Variants in LAMA2 observed in about 807,000 individuals in gnomAD.
LAMA2 encodes laminin subunit alpha 2.
A neutral mutation model predicts 364.8 loss-of-function variants in LAMA2; 269 were observed. The ratio of observed to expected loss-of-function variants is 0.74; its 90% CI spans 0.67 to 0.82. The LOEUF is 0.82. LAMA2 is among the 40% of genes least tolerant of loss of function. The pLI is 0.00. For missense variants in LAMA2, 3,807 were observed against 3,873.2 expected, an observed-to-expected ratio of 0.98 and a Z score of 0.45; for synonymous variants, 1,379 against 1,370.6, an observed-to-expected ratio of 1.01 and a Z score of -0.14.
rs184104990 is a variant in LAMA2 at position 129,434,101 on chromosome 6, A to G, written c.5969-4545A>G. Among the ~76,000 whole-genome samples, 38 of 152,308 alleles carry G rather than the reference A, an allele frequency of 2.5e-4. 1 individual carries two copies. The highest frequency in any genetic ancestry group is 2.0e-3 in the Admixed American group (30 of 15,286). ...TTGAGATCGTACATAGTTAGTTCTAATATAACTAAGCCCTAATTTATATTT... is the reference window on the plus strand; with the variant it reads ...TTGAGATCGTACATAGTTAGTTCTAGTATAACTAAGCCCTAATTTATATTT... On this transcript the variant is annotated intron_variant, in intron 41 of 64. Transcript: ENST00000421865.
rs1782077619 is a variant in LAMA2, at chr6:129,440,921, G to C, written c.6191G>C (p.Gly2064Ala). The C allele has an allele frequency of 1.2e-6, 2 of 1,613,928 alleles. No individual in the cohort carries two copies. Among genetic ancestry groups the C allele is most frequent in the African/African-American group, 2.7e-5 (2 of 75,040 alleles). Reference sequence around the variant, plus strand: ...ACAGAGCTCCACCAGAACCTCGATGGCCTGAAGAAGAATTACAATAAACTA... The same window carrying C: ...ACAGAGCTCCACCAGAACCTCGATGCCCTGAAGAAGAATTACAATAAACTA... ...QITELHQNLD[G>A]LKKNYNKLAD... Residue 2064 changes from glycine to alanine, a missense_variant, in exon 43 of 65, where the codon GGC becomes GCC. Gly to Ala is a moderately conservative substitution (Grantham distance 60). Transcript: ENST00000421865.
chr6:129,054,722 C>T (rs1788346417), intron 2 of LAMA2, among the ~76,000 whole-genome samples: 1 of 147,352 alleles, frequency 6.8e-6, no homozygotes, highest in Non-Finnish European at 1.5e-5. Flanking sequence ...AAATAATATA[C>T]ACATATAAGT....
chr6:129,150,657 T>G (rs866943567), intron 7 of LAMA2, among the ~76,000 whole-genome samples: 3 of 152,070 alleles, frequency 2.0e-5, no homozygotes, highest in Admixed American at 6.5e-5. Context: ...GTGAAACACT[T>G]TTTTTCTTTC....
At chr6:129,359,860 G>C (rs1021502364) in intron 32 of LAMA2, among the ~76,000 whole-genome samples, 1 of 152,010 alleles carries the variant, frequency 6.6e-6, no homozygotes, top group African/African-American at 2.4e-5. Context: ...ATTATGCATG[G>C]GGAATCCTGG....
intron 19 of LAMA2, among the ~76,000 whole-genome samples, chr6:129,291,221 G>GTTA (rs1287767266): frequency 2.0e-5 from 3 of 152,132 alleles, no homozygotes; most frequent in Admixed American, 6.5e-5. Flanking sequence ...CTAAAACAGC[G>GTTA]TTACACCTTG....
At chr6:129,342,241 A>G (rs765548596) in intron 29 of LAMA2, 102 bp from the exon 30 acceptor site, 12 of 938,822 alleles carry the variant, frequency 1.3e-5, no homozygotes, top group Non-Finnish European at 2.0e-5. Context: ...AAGAAAGTAT[A>G]TGTGTTCATA....
At chr6:129,288,380 C>A (rs973049245) in intron 19 of LAMA2, among the ~76,000 whole-genome samples, 2 of 151,932 alleles carry the variant, frequency 1.3e-5, no homozygotes, top group Non-Finnish European at 2.9e-5. Context: ...TAGATAGACA[C>A]CATGTATCCA....
At chr6:129,277,457 T>C (rs1788408626) in intron 17 of LAMA2, among the ~76,000 whole-genome samples, 1 of 152,200 alleles carries the variant, frequency 6.6e-6, no homozygotes, top group Non-Finnish European at 1.5e-5. Flanking sequence ...GTTTATGTTG[T>C]TGAAAGAATA....
At chr6:128,901,164 TA>T (rs1190599235) in intron 1 of LAMA2, among the ~76,000 whole-genome samples, 1 of 152,076 alleles carries the variant, frequency 6.6e-6, no homozygotes, top group African/African-American at 2.4e-5. Context: ...CTAGGAACAA[TA>T]AAAAATTCAT....
chr6:129,449,201 G>A (rs1782539988), intron 45 of LAMA2, among the ~76,000 whole-genome samples: 1 of 152,136 alleles, frequency 6.6e-6, no homozygotes, highest in Admixed American at 6.5e-5. Flanking sequence ...TGTGAGAGCT[G>A]GGCAATAGAT....
At chr6:129,335,423 T>C (rs1038844800) in intron 29 of LAMA2, among the ~76,000 whole-genome samples, 2 of 151,988 alleles carry the variant, frequency 1.3e-5, no homozygotes, top group East Asian at 3.8e-4. Context: ...TTTCATTTAA[T>C]CATTGCTACA....
At chr6:129,217,083 G>A (rs1390240731) in intron 12 of LAMA2, among the ~76,000 whole-genome samples, 1 of 151,882 alleles carries the variant, frequency 6.6e-6, no homozygotes, top group African/African-American at 2.4e-5. Flanking sequence ...CAGCTACTTG[G>A]GAGGCTGAGG....
chr6:128,974,150 G>A (rs971472458), intron 1 of LAMA2, among the ~76,000 whole-genome samples: 2 of 151,992 alleles, frequency 1.3e-5, no homozygotes, highest in Admixed American at 6.5e-5. Flanking sequence ...AGTAATACAG[G>A]GTACACCATT....
chr6:129,199,837 G>A (rs1205954315), intron 12 of LAMA2, among the ~76,000 whole-genome samples: 2 of 152,002 alleles, frequency 1.3e-5, no homozygotes, highest in African/African-American at 4.8e-5. Flanking sequence ...CCAGCACTTT[G>A]GGAGGCCAAG....
chr6:129,055,564 A>G (rs551477101), intron 2 of LAMA2, among the ~76,000 whole-genome samples: 37 of 152,282 alleles, frequency 2.4e-4, no homozygotes, highest in African/African-American at 8.7e-4. Flanking sequence ...AGAAATTTAG[A>G]AAGAATAAAA....
chr6:129,349,486 G>T (rs1776741107), intron 31 of LAMA2, 102 bp downstream of exon 31: 5 of 941,826 alleles, frequency 5.3e-6, no homozygotes, highest in South Asian at 5.3e-5. Flanking sequence ...TTCAATATTT[G>T]CATATCCTTT....
intron 11 of LAMA2, 59 bp downstream of exon 11, chr6:129,190,404 T>A: frequency 1.9e-6 from 3 of 1,565,798 alleles, no homozygotes; most frequent in South Asian, 1.1e-5. Flanking sequence ...GTTGCTTTCA[T>A]CGTTGTTCTT....
rs1554319117 is a variant in LAMA2, at chr6:129,512,362, G to A, written c.8858-1G>A. ...AATATTTTAAAATCTTCATTTTACA[G>A]TTGGTGGATTCAAAGTGGGATTGGA... On this transcript the variant is annotated splice_acceptor_variant, in intron 62 of 64. Coordinates refer to ENST00000421865, the MANE Select transcript of LAMA2 (RefSeq NM_000426.4). LOFTEE classifies it high-confidence loss of function. 1 of 1,613,344 alleles carries A rather than the reference G, an allele frequency of 6.2e-7. No homozygotes were observed. Among genetic ancestry groups the A allele is most frequent in the Non-Finnish European group, 8.5e-7 (1 of 1,179,390 alleles).
intron 12 of LAMA2, among the ~76,000 whole-genome samples, chr6:129,228,074 TCA>T (rs1224825114): frequency 9.2e-5 from 14 of 152,118 alleles, no homozygotes; most frequent in Non-Finnish European, 1.9e-4. Flanking sequence ...CAGTTCAGTC[TCA>T]GACTGCTGGG....
Sources: allele counts gnomAD v4.1 joint callset (sites outside exome capture counted in the v4.1 genomes callset), GRCh38; gene constraint gnomAD v4.1.1; transcripts MANE v1.5; gene names NCBI Gene and HGNC (gene_info 2026-07-23, HGNC 2026-07-21).